LRTM3: variants seen among roughly 807,000 people sequenced by gnomAD.
LRTM3 encodes the protein leucine rich repeat transmembrane protein 3.
chr13:102,758,683 A>T, the LRTM3 span: 1 of 1,523,930 alleles, frequency 6.6e-7, no homozygotes, highest in Non-Finnish European at 8.9e-7. Context: ...AAAAGGGGAA[A>T]TCAACCATTT....
the LRTM3 span, chr13:102,746,219 T>C: frequency 1.9e-6 from 3 of 1,550,718 alleles, no homozygotes; most frequent in Non-Finnish European, 2.6e-6. Context: ...TGATTCAAGA[T>C]GGATTTCCTT....
chr13:102,733,182 G>T, the LRTM3 span: 2 of 1,551,374 alleles, frequency 1.3e-6, no homozygotes, highest in Non-Finnish European at 1.7e-6. Flanking sequence ...TGTTCACACC[G>T]TCGGATCACT....
chr13:102,753,239 C>T, the LRTM3 span, among the ~76,000 whole-genome samples: 7 of 152,184 alleles, frequency 4.6e-5, no homozygotes, highest in East Asian at 1.4e-3. Flanking sequence ...TCAAACACTG[C>T]ATGTTCTCAC....
chr13:102,733,796 A>G, the LRTM3 span: 33 of 1,551,278 alleles, frequency 2.1e-5, no homozygotes, highest in African/African-American at 1.2e-4. Context: ...CCTTTGCTGG[A>G]CGCTGATCAT....
At chr13:102,743,689 G>C in the LRTM3 span, 1 of 1,546,990 alleles carries the variant, frequency 6.5e-7, no homozygotes, top group Non-Finnish European at 8.7e-7. Context: ...GATTTTCTTG[G>C]CACTTTCTGT....
the LRTM3 span, chr13:102,734,605 G>A: frequency 6.4e-7 from 1 of 1,550,902 alleles, no homozygotes; most frequent in Non-Finnish European, 8.7e-7. Flanking sequence ...CTTTTTGAGG[G>A]ATATGTTGCT....
chr13:102,749,001 T>G, the LRTM3 span: 8 of 1,550,910 alleles, frequency 5.2e-6, no homozygotes, highest in Non-Finnish European at 7.0e-6. Flanking sequence ...AAACCCGGCA[T>G]GACTTTCACT....
At chr13:102,754,629 A>G in the LRTM3 span, among the ~76,000 whole-genome samples, 1 of 152,182 alleles carries the variant, frequency 6.6e-6, no homozygotes, top group African/African-American at 2.4e-5. Flanking sequence ...AAGACTTGGA[A>G]GCAGAAGCAG....
the LRTM3 span, chr13:102,739,600 C>T: frequency 3.5e-5 from 54 of 1,550,282 alleles, no homozygotes; most frequent in Non-Finnish European, 4.6e-5. Flanking sequence ...TGTCTAACAG[C>T]AAAGGAAATT....
At chr13:102,741,222 A>G in the LRTM3 span, 1 of 1,550,270 alleles carries the variant, frequency 6.5e-7, no homozygotes, top group Non-Finnish European at 8.7e-7. Flanking sequence ...GTAATATCCA[A>G]CTTTGATTGC....
At chr13:102,735,606 C>T in the LRTM3 span, 2 of 1,550,972 alleles carry the variant, frequency 1.3e-6, no homozygotes, top group Non-Finnish European at 1.7e-6. Context: ...GCTTTCAGGT[C>T]TGTACATTTG....
the LRTM3 span, chr13:102,736,791 C>A: frequency 2.6e-6 from 4 of 1,551,052 alleles, no homozygotes; most frequent in Non-Finnish European, 3.5e-6. Flanking sequence ...TTTGCTTTAT[C>A]CTTTTGGATC....
At chr13:102,737,323 T>C in the LRTM3 span, 4 of 1,551,120 alleles carry the variant, frequency 2.6e-6, no homozygotes, top group South Asian at 4.8e-5. Flanking sequence ...CAGATTTTAT[T>C]ATTCCTTGTA....
chr13:102,755,077 G>T, the LRTM3 span, among the ~76,000 whole-genome samples: 1 of 152,100 alleles, frequency 6.6e-6, no homozygotes, highest in South Asian at 2.1e-4. Flanking sequence ...TCAGCCATTT[G>T]CTTTGCTTAC....
At chr13:102,737,400 G>A in the LRTM3 span, 1 of 1,550,700 alleles carries the variant, frequency 6.4e-7, no homozygotes. Flanking sequence ...GAAGGCAAAT[G>A]TAGGAAGAGA....
chr13:102,730,181 G>C, the LRTM3 span: 2 of 1,550,648 alleles, frequency 1.3e-6, no homozygotes, highest in Non-Finnish European at 1.7e-6. Context: ...ATGGGAACCT[G>C]AATCTTCACT....
At chr13:102,734,858 A>T in the LRTM3 span, 10 of 1,550,988 alleles carry the variant, frequency 6.4e-6, no homozygotes, top group Non-Finnish European at 8.7e-6. Context: ...GAATATTAAG[A>T]TGCTTACTAT....
the LRTM3 span, chr13:102,737,607 C>G: frequency 1.3e-6 from 2 of 1,550,650 alleles, no homozygotes; most frequent in Middle Eastern, 1.7e-4. Context: ...TGTGAAAGTG[C>G]CTTCTTTCCT....
the LRTM3 span, chr13:102,735,223 G>A: frequency 6.4e-7 from 1 of 1,551,288 alleles, no homozygotes; most frequent in Non-Finnish European, 8.7e-7. Context: ...AATACATTTT[G>A]TTGGGATCCA....
Sources: allele counts gnomAD v4.1 joint callset (sites outside exome capture counted in the v4.1 genomes callset), GRCh38; gene constraint gnomAD v4.1.1; transcripts MANE v1.5; gene names NCBI Gene and HGNC (gene_info 2026-07-23, HGNC 2026-07-21).